Variants in VAV1 observed in about 807,000 individuals in gnomAD.
The protein encoded by VAV1 is proto-oncogene vav.
VAV1 carries 33 observed loss-of-function variants against 128.1 expected under a neutral mutation model. The ratio of observed to expected loss-of-function variants is 0.26; its 90% confidence interval spans 0.20 to 0.34. The LOEUF is 0.34. VAV1 is among the 10% of genes least tolerant of loss of function. The pLI, the probability that VAV1 is intolerant of heterozygous loss-of-function variation, is 1.00. For synonymous variants in VAV1, 394 were observed against 409.8 expected (o/e 0.96, Z 0.47); for missense variants, 715 against 1,093.7 (o/e 0.65, Z 4.88).
rs576175793 is a variant in VAV1 at position 6,841,322 on chromosome 19, G to C, written c.1981-1813G>C. On this transcript the variant is annotated intron_variant, in intron 21 of 26. Coordinates refer to ENST00000602142, the MANE Select transcript of VAV1 (RefSeq NM_005428.4). Reference sequence around the variant, plus strand: ...GGTTGCTTCAACTTTTGCGTATTGTGAATAAAGCTGCTACAAACATGGGTA... The same window carrying C: ...GGTTGCTTCAACTTTTGCGTATTGTCAATAAAGCTGCTACAAACATGGGTA... Among the ~76,000 whole-genome samples, 12 of 152,214 alleles carry C rather than the reference G, an allele frequency of 7.9e-5. No individual in the cohort carries two copies. In the South Asian group the frequency reaches 2.5e-3, roughly 32 times the overall value.
intron 21 of VAV1, among the ~76,000 whole-genome samples, chr19:6,837,536 C>T (rs1249646353): frequency 6.6e-6 from 1 of 152,034 alleles, no homozygotes; most frequent in African/African-American, 2.4e-5. Context: ...CCTCAGACAC[C>T]CCCTACCTCA....
intron 8 of VAV1, 93 bp downstream of exon 8, chr19:6,825,499 C>T (rs554030230): frequency 1.6e-5 from 17 of 1,095,492 alleles, no homozygotes; most frequent in East Asian, 7.8e-5. Context: ...CACCACTGGA[C>T]GGGGAGGACT....
In VAV1 at chr19:6,817,887, C is replaced by A. The variant is rs536881263; in HGVS notation, c.205-2815C>A. Among the ~76,000 whole-genome samples, 5 of 152,158 alleles carry A rather than the reference C, an allele frequency of 3.3e-5. No homozygotes were observed. In the South Asian group the frequency reaches 6.2e-4, roughly 19 times the overall value. ...GTTTTTAGTAGAGACGGGATTTCAC[C>A]GTGTTAGCCAGGATGGTCTCGATCT... On this transcript the variant is annotated intron_variant, in intron 1 of 26. Coordinates refer to ENST00000602142, the MANE Select transcript of VAV1 (RefSeq NM_005428.4).
In VAV1 at chr19:6,828,997, G is replaced by A. The variant is rs1971986859; in HGVS notation, c.1265+97G>A. On this transcript the variant is annotated intron_variant, in intron 13 of 26. Transcript: ENST00000602142. The surrounding 1 kb of genome is among the most constrained non-coding windows in gnomAD (Gnocchi z 4.5). ...GTGGGTGGAGTCAACACAGATCTGG[G>A]TGGAGCCTGGGCAGGGGCGGGGCCG... 4 of 1,430,570 alleles carry A rather than the reference G, an allele frequency of 2.8e-6. No homozygotes were observed. The African/African-American group carries it at 5.6e-5, about 20-fold the overall frequency. The allele number at this position is 1,430,570 out of a possible 1,614,324, so 88.6% of individuals were successfully genotyped here.
In VAV1 at chr19:6,825,172, T is replaced by G. The variant is rs1279477302; in HGVS notation, c.723+51T>G. 5.7e-6 allele frequency: 9 copies of G among 1,591,870 alleles called. No individual in the cohort carries two copies. In the South Asian group the frequency reaches 1.0e-4, roughly 18 times the overall value. ...TTGGGTCTGTCTAGTGCGGATAACC[T>G]GCTGCCCCTACCTCTCCCTGGAGTA... On this transcript the variant is annotated intron_variant, in intron 7 of 26. Coordinates refer to ENST00000602142, the MANE Select transcript of VAV1 (RefSeq NM_005428.4).
intron 14 of VAV1, 141 bp from the exon 15 acceptor site, chr19:6,831,950 A>G: frequency 3.1e-6 from 2 of 651,984 alleles, no homozygotes; most frequent in Non-Finnish European, 5.2e-6. Flanking sequence ...AAGCCCTTTT[A>G]CAAGGATATC....
chr19:6,814,678 T>TCTCTCTCTCTCTCTC (rs1971594149), intron 1 of VAV1, among the ~76,000 whole-genome samples: 1 of 104,282 alleles, frequency 9.6e-6, no homozygotes, highest in African/African-American at 4.8e-5. Context: ...CTTCCTTTCT[T>TCTCTCTCTCTCTCTC]TCTTTCTTTC....
intron 23 of VAV1, 41 bp downstream of exon 23, chr19:6,848,155 G>GGGCCTGT: frequency 6.7e-7 from 1 of 1,501,446 alleles, no homozygotes; most frequent in East Asian, 2.7e-5. Flanking sequence ...TTGGGGCCTG[G>GGGCCTGT]GCCCTGCGGG....
chr19:6,844,483 C>G, intron 22 of VAV1, among the ~76,000 whole-genome samples: 1 of 152,084 alleles, frequency 6.6e-6, no homozygotes. Flanking sequence ...TCCCAAAGTG[C>G]TGGGATTACA....
chr19:6,825,980 T>C (rs1568305907), intron 8 of VAV1, among the ~76,000 whole-genome samples: 1 of 151,474 alleles, frequency 6.6e-6, no homozygotes, highest in Non-Finnish European at 1.5e-5. Context: ...GAGGCGGAGG[T>C]TGCAGTGAGT....
At chr19:6,825,002 T>A (rs757161303) in intron 6 of VAV1, 51 bp from the exon 7 acceptor site, 19 of 1,585,632 alleles carry the variant, frequency 1.2e-5, no homozygotes, top group Non-Finnish European at 1.6e-5. Context: ...CTGAGACTGG[T>A]CTGGAGGAGG....
chr19:6,772,710 C>T lies in VAV1; in HGVS notation c.-98C>T. 1.5e-6 allele frequency: 2 copies of T among 1,301,956 alleles called. No individual in the cohort carries two copies. The highest frequency in any genetic ancestry group is 2.5e-5 in the East Asian group (1 of 40,798). 80.7% of individuals were successfully genotyped at this position (1,301,956 alleles called of 1,614,324 possible). On this transcript the variant is annotated 5_prime_UTR_variant, in exon 1 of 27. Coordinates refer to ENST00000602142, the MANE Select transcript of VAV1 (RefSeq NM_005428.4). This position sits in a 1 kb window ranked among gnomAD's most constrained non-coding sequence, Gnocchi z 4.8. The stretch of plus-strand genomic sequence containing the variant: ...ACAGGCAAAGAAGAGGAAGTGGTAG[C>T]ACTAGCTGTCGCTCCACAGGCGAGC...
chr19:6,831,878 GTGCA>G (rs1972064582), intron 14 of VAV1, among the ~76,000 whole-genome samples: 1 of 152,106 alleles, frequency 6.6e-6, no homozygotes, highest in South Asian at 2.1e-4. Context: ...GTGTGTGTGT[GTGCA>G]TGTGCACGCC....
At chr19:6,790,713 G>A (rs1236192117) in intron 1 of VAV1, among the ~76,000 whole-genome samples, 3 of 152,232 alleles carry the variant, frequency 2.0e-5, no homozygotes, top group South Asian at 2.1e-4. Context: ...CCCATTGGCA[G>A]TGAGCCCAGA....
At chr19:6,804,187 G>T (rs1971334198) in intron 1 of VAV1, among the ~76,000 whole-genome samples, 2 of 151,714 alleles carry the variant, frequency 1.3e-5, no homozygotes, top group Non-Finnish European at 2.9e-5. Flanking sequence ...TCCAGAGAAT[G>T]TGACGCACGG....
At chr19:6,819,416 T>C (rs565408277) in intron 1 of VAV1, among the ~76,000 whole-genome samples, 70 of 152,354 alleles carry the variant, frequency 4.6e-4, no homozygotes, top group Middle Eastern at 3.4e-3. Flanking sequence ...CTTGGACTTC[T>C]AGTCTCAGAA....
intron 24 of VAV1, among the ~76,000 whole-genome samples, chr19:6,851,687 C>T (rs567439445): frequency 6.6e-6 from 1 of 152,184 alleles, no homozygotes; most frequent in Non-Finnish European, 1.5e-5. Context: ...CTGTTTGGTG[C>T]CTTGTAATTT....
chr19:6,773,605 T>C (rs571539702), intron 1 of VAV1, among the ~76,000 whole-genome samples: 30 of 151,938 alleles, frequency 2.0e-4, no homozygotes, highest in African/African-American at 6.8e-4. Context: ...TCAGAGGAGA[T>C]AGTAAGGCAG....
intron 1 of VAV1, among the ~76,000 whole-genome samples, chr19:6,816,187 T>C (rs1971643965): frequency 6.6e-6 from 1 of 151,964 alleles, no homozygotes. Flanking sequence ...GCCCAGCTAA[T>C]TTTTTTGTGT....
Sources: gnomAD v4.1 joint callset for allele counts (sites outside exome capture counted in the v4.1 genomes callset) on GRCh38, gnomAD v4.1.1 for gene constraint, Gnocchi (gnomAD v3.1) non-coding constraint, MANE v1.5 for transcripts, NCBI Gene and HGNC (gene_info 2026-07-23, HGNC 2026-07-21) for gene names.